Variants in ARHGEF12 observed in about 807,000 individuals in gnomAD.
The protein encoded by ARHGEF12 is KMT2A/ARHGEF12 fusion protein.
A neutral mutation model predicts 211.2 loss-of-function variants in ARHGEF12; 66 were observed. That is an observed-to-expected ratio of 0.31 (90% CI 0.26 to 0.38). The LOEUF is 0.38. Ranked by LOEUF, ARHGEF12 falls within the 10% of genes least tolerant of loss-of-function variation. The probability of loss-of-function intolerance (pLI) is 1.00; values close to 1 mark genes in which losing one functional copy is unlikely to be tolerated. For synonymous variants in ARHGEF12, 592 were observed against 638.4 expected (o/e 0.93, Z 1.09); for missense variants, 1,429 against 1,869.5 (o/e 0.76, Z 4.34).
chr11:120,428,115 G>A lies in ARHGEF12; in HGVS notation c.453G>A (p.Ser151=), dbSNP rs1017655591. 1.1e-5 allele frequency: 18 copies of A among 1,607,430 alleles called. No homozygotes were observed. The highest frequency in any genetic ancestry group is 2.7e-5 in the African/African-American group (2 of 74,746). The change falls in exon 8 of 41, where the codon TCG becomes TCA. Residue 151 remains serine (S), a synonymous_variant. Transcript: ENST00000397843. ...ALTVQGRPPG[S]PQIPLADSEV... Reference sequence around the variant, plus strand: ...CTGTTCAGGGACGCCCACCTGGGTCGCCCCAGATTCCACTTGCCGACTCTG... The same window carrying A: ...CTGTTCAGGGACGCCCACCTGGGTCACCCCAGATTCCACTTGCCGACTCTG...
chr11:120,458,449 T>C, intron 25 of ARHGEF12: 1 of 488,440 alleles, frequency 2.0e-6, no homozygotes, highest in Non-Finnish European at 3.5e-6. Context: ...GTGTTAAGCC[T>C]TAAAGATATT....
At chr11:120,365,548 T>C (rs1400041557) in intron 1 of ARHGEF12, 1 of 152,212 alleles carries the variant, frequency 6.6e-6, no homozygotes, top group Non-Finnish European at 1.5e-5. Flanking sequence ...TTGGGGAATG[T>C]TTAAATTTAG....
intron 1 of ARHGEF12, among the ~76,000 whole-genome samples, chr11:120,396,503 G>A (rs950859572): frequency 1.3e-5 from 2 of 152,182 alleles, no homozygotes; most frequent in Non-Finnish European, 2.9e-5. Context: ...TATATCCTCT[G>A]ATGGGTGATG....
chr11:120,392,865 CT>C (rs1944262174), intron 1 of ARHGEF12, among the ~76,000 whole-genome samples: 1 of 152,156 alleles, frequency 6.6e-6, no homozygotes, highest in African/African-American at 2.4e-5. Flanking sequence ...CTTTTATTGG[CT>C]TTTTTGGAAC....
intron 1 of ARHGEF12, among the ~76,000 whole-genome samples, chr11:120,367,344 T>C (rs1323644696): frequency 7.0e-6 from 1 of 143,408 alleles, no homozygotes; most frequent in Non-Finnish European, 1.5e-5. Flanking sequence ...TCTGTTAGGA[T>C]ACTTTTTCCT....
At chr11:120,341,682 T>G (rs935601095) in intron 1 of ARHGEF12, among the ~76,000 whole-genome samples, 1 of 152,222 alleles carries the variant, frequency 6.6e-6, no homozygotes, top group Non-Finnish European at 1.5e-5. Flanking sequence ...TTAGAAATGT[T>G]TCTTATATAC....
intron 1 of ARHGEF12, among the ~76,000 whole-genome samples, chr11:120,357,759 A>G (rs540448032): frequency 5.9e-5 from 9 of 152,000 alleles, no homozygotes; most frequent in Non-Finnish European, 1.3e-4. Flanking sequence ...TAGTAGAGAC[A>G]AGGTTTTGCT....
intron 1 of ARHGEF12, among the ~76,000 whole-genome samples, chr11:120,339,039 A>G (rs1253504138): frequency 7.8e-6 from 1 of 128,476 alleles, no homozygotes; most frequent in Non-Finnish European, 1.5e-5. Context: ...GGCACTGTGC[A>G]GGCACAAGAG....
intron 6 of ARHGEF12, among the ~76,000 whole-genome samples, chr11:120,424,022 A>T (rs1258076032): frequency 2.0e-5 from 3 of 152,170 alleles, no homozygotes; most frequent in African/African-American, 7.2e-5. Context: ...ATGACTTGGT[A>T]ATTAAAAGCA....
intron 1 of ARHGEF12, among the ~76,000 whole-genome samples, chr11:120,363,746 A>G (rs1943342947): frequency 1.3e-5 from 2 of 152,062 alleles, no homozygotes; most frequent in South Asian, 4.2e-4. Flanking sequence ...CTTATTATGG[A>G]CTTCATGTTG....
chr11:120,392,247 TC>T (rs1944241983), intron 1 of ARHGEF12, among the ~76,000 whole-genome samples: 1 of 152,204 alleles, frequency 6.6e-6, no homozygotes, highest in African/African-American at 2.4e-5. Context: ...GCCCACATCT[TC>T]CCATGGCTGG....
intron 22 of ARHGEF12, among the ~76,000 whole-genome samples, chr11:120,456,771 A>G (rs1946375801): frequency 6.6e-6 from 1 of 152,176 alleles, no homozygotes; most frequent in African/African-American, 2.4e-5. Context: ...AGGCGAAAGG[A>G]TTGCTTGAGC....
rs1395453391 is a variant in ARHGEF12 at position 120,449,268 on chromosome 11, CA to C, written c.1843+55del. 28 of 1,369,342 alleles carry C rather than the reference CA, an allele frequency of 2.0e-5. No individual in the cohort carries two copies. In the African/African-American group the frequency reaches 3.9e-4, roughly 19 times the overall value. 84.8% of individuals were successfully genotyped at this position (1,369,342 alleles called of 1,614,324 possible). A position where few individuals can be genotyped will look rare whatever the true frequency, so the allele number is the denominator to read the frequency against. The stretch of plus-strand genomic sequence containing the variant: ...TCAGTACTCCAGGCCCTCTTCACAT[CA>C]GAGGCTTCTTCAGCTAGAATGAATT... On this transcript the variant is annotated intron_variant, in intron 21 of 40. Coordinates refer to ENST00000397843, the MANE Select transcript of ARHGEF12 (RefSeq NM_015313.3).
At chr11:120,375,207 A>G (rs1943693727) in intron 1 of ARHGEF12, among the ~76,000 whole-genome samples, 1 of 152,216 alleles carries the variant, frequency 6.6e-6, no homozygotes, top group Non-Finnish European at 1.5e-5. Flanking sequence ...GAAACTGTGA[A>G]CATTCATTAA....
At chr11:120,374,987 A>G (rs1943688271) in intron 1 of ARHGEF12, among the ~76,000 whole-genome samples, 1 of 152,198 alleles carries the variant, frequency 6.6e-6, no homozygotes. Context: ...CAGATTTGTC[A>G]ACAAAATGAA....
At chr11:120,454,574 G>A (rs967438275) in intron 22 of ARHGEF12, among the ~76,000 whole-genome samples, 1 of 152,150 alleles carries the variant, frequency 6.6e-6, no homozygotes, top group Non-Finnish European at 1.5e-5. Flanking sequence ...ACTTTTTGGT[G>A]GATGAAGGAC....
intron 1 of ARHGEF12, among the ~76,000 whole-genome samples, chr11:120,361,249 A>T (rs544824344): frequency 2.0e-5 from 3 of 152,036 alleles, no homozygotes; most frequent in Non-Finnish European, 4.4e-5. Flanking sequence ...CCTGAGCTCC[A>T]CCTCCTGTCA....
chr11:120,479,851 A>G, intron 37 of ARHGEF12, 109 bp from the exon 38 acceptor site: 1 of 843,768 alleles, frequency 1.2e-6, no homozygotes, highest in South Asian at 1.7e-5. Context: ...TGTCATTAAA[A>G]GATACTTTTT....
chr11:120,466,098 G>A (rs751177212), intron 28 of ARHGEF12, among the ~76,000 whole-genome samples: 71 of 152,296 alleles, frequency 4.7e-4, no homozygotes, highest in Non-Finnish European at 6.3e-4. Flanking sequence ...AAACATGGCC[G>A]CTTGACAGAT....
Sources: allele counts gnomAD v4.1 joint callset (sites outside exome capture counted in the v4.1 genomes callset), GRCh38; gene constraint gnomAD v4.1.1; transcripts MANE v1.5; gene names NCBI Gene and HGNC (gene_info 2026-07-23, HGNC 2026-07-21).